Variants in SOX5 observed in about 807,000 individuals in gnomAD.
The protein encoded by SOX5 is SRY-box transcription factor 5.
A neutral mutation model predicts 92.0 loss-of-function variants in SOX5; 9 were observed. That is an observed-to-expected ratio of 0.10 (90% CI 0.06 to 0.17). SOX5 has a LOEUF of 0.17. SOX5 is among the 10% of genes least tolerant of loss of function. The pLI is 1.00. For synonymous variants in SOX5, 344 were observed against 336.3 expected, an observed-to-expected ratio of 1.02 and a Z score of -0.25; for missense variants, 642 against 944.5, an observed-to-expected ratio of 0.68 and a Z score of 4.20.
At chr12:24,034,826 G>A (rs373648286) in intron 4 of SOX5, among the ~76,000 whole-genome samples, 39 of 152,102 alleles carry the variant, frequency 2.6e-4, no homozygotes, top group African/African-American at 4.1e-4. Context: ...AAGGAACTGC[G>A]GAAGCAAATG....
chr12:24,182,151 G>A (rs1027207597), intron 4 of SOX5, among the ~76,000 whole-genome samples: 6 of 152,158 alleles, frequency 3.9e-5, no homozygotes, highest in African/African-American at 1.2e-4. Flanking sequence ...TTTAGAGGAT[G>A]ACAAGAGAAG....
At chr12:24,125,671 C>T (rs540305102) in intron 4 of SOX5, among the ~76,000 whole-genome samples, 1 of 152,290 alleles carries the variant, frequency 6.6e-6, no homozygotes, top group African/African-American at 2.4e-5. Flanking sequence ...TTAATACCTA[C>T]ACTTTAACCT....
intron 8 of SOX5, among the ~76,000 whole-genome samples, chr12:23,608,511 A>G (rs1457510837): frequency 6.6e-6 from 1 of 152,136 alleles, no homozygotes; most frequent in Non-Finnish European, 1.5e-5. Flanking sequence ...TTTTGTCTCA[A>G]ATTGCTCCAT....
intron 4 of SOX5, among the ~76,000 whole-genome samples, chr12:24,006,045 T>A (rs1952123091): frequency 6.6e-6 from 1 of 152,092 alleles, no homozygotes; most frequent in Admixed American, 6.6e-5. Context: ...GGTTTATCAC[T>A]GGCTAATTTA....
At chr12:23,587,036 A>G (rs1478498760) in intron 9 of SOX5, among the ~76,000 whole-genome samples, 1 of 151,850 alleles carries the variant, frequency 6.6e-6, no homozygotes, top group Admixed American at 6.6e-5. Flanking sequence ...GAAGAAATAA[A>G]TACTTAAAGC....
chr12:24,453,335 C>T (rs370936338), intron 1 of SOX5, among the ~76,000 whole-genome samples: 24 of 152,028 alleles, frequency 1.6e-4, no homozygotes, highest in African/African-American at 5.8e-4. Flanking sequence ...AGCAAAAGTG[C>T]ATGCTGAAGT....
intron 9 of SOX5, among the ~76,000 whole-genome samples, chr12:23,583,661 T>C (rs777354475): frequency 2.0e-5 from 3 of 152,136 alleles, no homozygotes; most frequent in Admixed American, 6.6e-5. Context: ...AAAGGAAGCA[T>C]AGAGCAGTAA....
At chr12:23,543,406 T>G (rs888675020) in intron 12 of SOX5, 22 bp from the exon 13 acceptor site, 5 of 1,603,868 alleles carry the variant, frequency 3.1e-6, no homozygotes, top group Non-Finnish European at 4.3e-6. Context: ...AAACATCACT[T>G]CGTGTTAGCG....
intron 2 of SOX5, among the ~76,000 whole-genome samples, chr12:23,863,236 T>A (rs912510694): frequency 1.3e-5 from 2 of 152,222 alleles, no homozygotes; most frequent in African/African-American, 4.8e-5. Context: ...CATCTATATA[T>A]GTGTATTACA....
At chr12:23,686,291 G>A (rs552737140) in intron 6 of SOX5, among the ~76,000 whole-genome samples, 11 of 152,262 alleles carry the variant, frequency 7.2e-5, no homozygotes, top group African/African-American at 2.6e-4. Flanking sequence ...GGTTAATTTG[G>A]CTGAGGGCCA....
intron 8 of SOX5, among the ~76,000 whole-genome samples, chr12:23,615,248 G>T (rs2076415435): frequency 1.3e-5 from 2 of 151,586 alleles, no homozygotes; most frequent in African/African-American, 4.9e-5. Context: ...GTCTTTTTTG[G>T]TAAAATATGC....
intron 8 of SOX5, among the ~76,000 whole-genome samples, chr12:23,612,310 G>T (rs74382268): frequency 6.5e-4 from 99 of 152,164 alleles, no homozygotes; most frequent in Admixed American, 2.2e-3. Flanking sequence ...AGGTCATTGA[G>T]ATTTTTAAGT....
chr12:24,544,620 T>G (rs1952441906), intron 1 of SOX5, among the ~76,000 whole-genome samples: 1 of 152,114 alleles, frequency 6.6e-6, no homozygotes, highest in East Asian at 1.9e-4. Context: ...AGATATACAC[T>G]CACATGCATA....
rs369077838 is a variant in SOX5, at chr12:23,581,688, A to G, written c.1165-5850T>C. 9.9e-5 allele frequency among the ~76,000 whole-genome samples: 15 copies of G among 152,238 alleles called. No individual in the cohort carries two copies. The East Asian group carries it at 1.9e-3, about 20-fold the overall frequency. On this transcript the variant is annotated intron_variant, in intron 9 of 14. Coordinates refer to ENST00000451604, the MANE Select transcript of SOX5 (RefSeq NM_006940.6). ...AACATAAACCAAAGGACATTTAGGC[A>G]TGTAGCTTTGAGGCTTTGGTTTTAT...
intron 4 of SOX5, among the ~76,000 whole-genome samples, chr12:24,141,591 G>A (rs553063358): frequency 6.6e-6 from 1 of 152,310 alleles, no homozygotes; most frequent in Admixed American, 6.5e-5. Flanking sequence ...ATGACGTTCT[G>A]CTCAGTTCAA....
chr12:24,428,682 T>C (rs1227220545), intron 1 of SOX5, among the ~76,000 whole-genome samples: 1 of 113,012 alleles, frequency 8.8e-6, no homozygotes, highest in Non-Finnish European at 1.6e-5. Context: ...GGTGGAACAA[T>C]TGCTTGAGCT....
chr12:23,576,933 C>T (rs910615815), intron 9 of SOX5, among the ~76,000 whole-genome samples: 10 of 151,118 alleles, frequency 6.6e-5, no homozygotes, highest in South Asian at 6.2e-4. Flanking sequence ...AGCTATTTCA[C>T]GAGTTAAGAA....
intron 1 of SOX5, among the ~76,000 whole-genome samples, chr12:24,459,084 T>C (rs1018062809): frequency 5.9e-5 from 9 of 152,200 alleles, no homozygotes; most frequent in African/African-American, 1.9e-4. Flanking sequence ...CAAATAGGGA[T>C]GATTGTTTCC....
intron 3 of SOX5, among the ~76,000 whole-genome samples, chr12:24,254,718 A>AAT (rs10556060): frequency 0.012 from 1,819 of 146,666 alleles, 61 homozygotes; most frequent in African/African-American, 0.044. Context: ...GGGCTGCTCA[A>AAT]ATATATATAT....
Sources: gnomAD v4.1 joint callset for allele counts (sites outside exome capture counted in the v4.1 genomes callset) on GRCh38, gnomAD v4.1.1 for gene constraint, MANE v1.5 for transcripts, NCBI Gene and HGNC (gene_info 2026-07-23, HGNC 2026-07-21) for gene names.